The following MAP3K20 variants were observed in gnomAD, a reference collection of about 807,000 sequenced individuals.
MAP3K20 encodes the protein HCCS-4.
A neutral mutation model predicts 85.7 loss-of-function variants in MAP3K20; 40 were observed. The observed-to-expected ratio is 0.47, with a 90% confidence interval of 0.36 to 0.61. The LOEUF (loss-of-function observed/expected upper bound fraction) is 0.61, where lower values mean the gene tolerates loss of function less well. MAP3K20 is among the 20% of genes least tolerant of loss of function. The pLI, the probability that MAP3K20 is intolerant of heterozygous loss-of-function variation, is 0.00. For missense variants in MAP3K20, 817 were observed against 961.7 expected, an observed-to-expected ratio of 0.85 and a Z score of 1.99; for synonymous variants, 325 against 327.7, an observed-to-expected ratio of 0.99 and a Z score of 0.09.
At chr2:173,226,618 CTTTG>C (rs1559289826) in intron 11 of MAP3K20, 22 of 985,670 alleles carry the variant, frequency 2.2e-5, no homozygotes, top group Non-Finnish European at 2.7e-5. Context: ...CAGACTCCAC[CTTTG>C]TTTGCACTCT....
intron 16 of MAP3K20, among the ~76,000 whole-genome samples, chr2:173,255,953 A>G (rs1403584153): frequency 5.9e-5 from 9 of 152,234 alleles, no homozygotes; most frequent in Admixed American, 5.9e-4. Context: ...GCTCCAAAAC[A>G]AAGAAATACT....
At chr2:173,079,171 A>G (rs1297568180) in intron 1 of MAP3K20, among the ~76,000 whole-genome samples, 1 of 152,272 alleles carries the variant, frequency 6.6e-6, no homozygotes, top group Non-Finnish European at 1.5e-5. Flanking sequence ...CCTAGGCTAC[A>G]GACCTATGTA....
intron 1 of MAP3K20, among the ~76,000 whole-genome samples, chr2:173,086,782 TA>T (rs1687156968): frequency 6.6e-6 from 1 of 152,228 alleles, no homozygotes; most frequent in Admixed American, 6.5e-5. Flanking sequence ...TTCTGCAGCA[TA>T]AGGCTTACAT....
chr2:173,243,235 G>A (rs1008168530), intron 16 of MAP3K20, among the ~76,000 whole-genome samples: 1 of 152,200 alleles, frequency 6.6e-6, no homozygotes, highest in Non-Finnish European at 1.5e-5. Flanking sequence ...GAGTTCACTG[G>A]ATGAGGATCT....
rs796231309 is a variant in MAP3K20, at chr2:173,123,773, A to G, written c.159+32583A>G. Among the ~76,000 whole-genome samples the G allele has an allele frequency of 2.2e-5, 3 of 136,720 alleles. No individual in the cohort carries two copies. In the South Asian group the frequency reaches 7.2e-4, roughly 33 times the overall value. The allele number at this position is 136,720 out of a possible 152,430, so 89.7% of individuals were successfully genotyped here. ...GATGTTGTAATTCAGCAACACACCC[A>G]GTACATTTTTTTTTTTATTTCTGGA... On this transcript the variant is annotated intron_variant, in intron 2 of 19. Coordinates refer to ENST00000375213, the MANE Select transcript of MAP3K20 (RefSeq NM_016653.3).
intron 2 of MAP3K20, among the ~76,000 whole-genome samples, chr2:173,093,393 C>T (rs1454107852): frequency 2.0e-5 from 3 of 152,102 alleles, no homozygotes. Context: ...TAATATTAGA[C>T]TAAATATATG....
rs151051395 is a variant in MAP3K20, at chr2:173,202,380, T to G, written c.670-1416T>G. Among the ~76,000 whole-genome samples, 511 of 152,312 alleles carry G rather than the reference T, an allele frequency of 3.4e-3. 1 individual carries two copies. The highest frequency in any genetic ancestry group is 0.012 in the African/African-American group (480 of 41,566). ...TGTCAAGGCAACTATGTTTCTAGCT[T>G]CTCATAGCCTCCCCCAAATCCAGCC... On this transcript the variant is annotated intron_variant, in intron 8 of 19. Coordinates refer to ENST00000375213, the MANE Select transcript of MAP3K20 (RefSeq NM_016653.3).
chr2:173,226,795 A>G (rs976324450), intron 11 of MAP3K20: 6 of 983,372 alleles, frequency 6.1e-6, no homozygotes, highest in African/African-American at 5.2e-5. Context: ...TTTTTGTACT[A>G]AATAATAGAA....
intron 2 of MAP3K20, among the ~76,000 whole-genome samples, chr2:173,144,479 A>G (rs35590504): frequency 0.24 from 34,921 of 143,750 alleles, 5,517 homozygotes; most frequent in Non-Finnish European, 0.36. Flanking sequence ...AAAAAAAAAA[A>G]AAAAAAGAAA....
chr2:173,197,636 C>A (rs1286727101), intron 7 of MAP3K20: 1 of 152,894 alleles, frequency 6.5e-6, no homozygotes, highest in African/African-American at 2.4e-5. Flanking sequence ...GTTGAATTCC[C>A]AGTTATTATT....
At chr2:173,141,696 C>A (rs1392424167) in intron 2 of MAP3K20, among the ~76,000 whole-genome samples, 1 of 152,058 alleles carries the variant, frequency 6.6e-6, no homozygotes, top group Non-Finnish European at 1.5e-5. Context: ...GAAAACCATA[C>A]ACTTACAGTT....
chr2:173,077,929 G>A (rs1347739993), intron 1 of MAP3K20, among the ~76,000 whole-genome samples: 1 of 152,212 alleles, frequency 6.6e-6, no homozygotes, highest in Non-Finnish European at 1.5e-5. Flanking sequence ...GCACAAGAGT[G>A]AGTGTTATTG....
In MAP3K20 at chr2:173,244,068, G is replaced by A. The variant is rs147833763; in HGVS notation, c.1359+4572G>A. ...ATGTCAAAGCGCTGAGCCTGTGACA[G>A]TGCCATGGGTCCCAGGACACACTGA... On this transcript the variant is annotated intron_variant, in intron 16 of 19. Coordinates refer to ENST00000375213, the MANE Select transcript of MAP3K20 (RefSeq NM_016653.3). 3.3e-4 allele frequency among the ~76,000 whole-genome samples: 50 copies of A among 152,326 alleles called. 1 individual carries two copies. The East Asian group carries it at 8.9e-3, about 27-fold the overall frequency.
chr2:173,109,670 G>C (rs547593777), intron 2 of MAP3K20, among the ~76,000 whole-genome samples: 1 of 152,246 alleles, frequency 6.6e-6, no homozygotes, highest in East Asian at 1.9e-4. Context: ...CTCTCATTCA[G>C]AGGAGAGTTT....
intron 2 of MAP3K20, among the ~76,000 whole-genome samples, chr2:173,099,854 T>C (rs913888539): frequency 2.6e-5 from 4 of 152,202 alleles, no homozygotes; most frequent in African/African-American, 9.7e-5. Context: ...GGGCTAATGA[T>C]AGTACCCACA....
intron 2 of MAP3K20, among the ~76,000 whole-genome samples, chr2:173,097,940 A>G (rs1004637797): frequency 6.6e-6 from 1 of 152,210 alleles, no homozygotes; most frequent in Non-Finnish European, 1.5e-5. Context: ...TTATCACTTT[A>G]TTAGCTCATG....
At chr2:173,247,567 C>G (rs189240257) in intron 16 of MAP3K20, among the ~76,000 whole-genome samples, 35 of 152,276 alleles carry the variant, frequency 2.3e-4, no homozygotes, top group African/African-American at 7.7e-4. Context: ...TACATGTATG[C>G]ACACATGAAT....
At chr2:173,080,892 C>T (rs1296771229) in intron 1 of MAP3K20, among the ~76,000 whole-genome samples, 4 of 152,094 alleles carry the variant, frequency 2.6e-5, no homozygotes, top group Non-Finnish European at 1.5e-5. Flanking sequence ...GGACTCATCT[C>T]CAGGCTTCCA....
chr2:173,107,170 C>T (rs1012555282), intron 2 of MAP3K20, among the ~76,000 whole-genome samples: 1 of 152,114 alleles, frequency 6.6e-6, no homozygotes, highest in African/African-American at 2.4e-5. Flanking sequence ...ACAGAAGATT[C>T]AGCTTTTGGG....
Sources: allele counts gnomAD v4.1 joint callset (sites outside exome capture counted in the v4.1 genomes callset), GRCh38; gene constraint gnomAD v4.1.1; transcripts MANE v1.5; gene names NCBI Gene and HGNC (gene_info 2026-07-23, HGNC 2026-07-21).